The following UMAD1 variants were observed in gnomAD, a reference collection of about 807,000 sequenced individuals.
The protein encoded by UMAD1 is UBAP1-MVB12-associated (UMA)-domain containing protein 1.
In UMAD1, 8 loss-of-function variants were observed where a neutral mutation model predicts 6.1. That is an observed-to-expected ratio of 1.30 (90% CI 0.76 to 2.35). UMAD1 has a LOEUF of 2.35. Ranked by LOEUF, UMAD1 falls within the 30% of genes most tolerant of loss-of-function variation. The pLI, the probability that UMAD1 is intolerant of heterozygous loss-of-function variation, is 0.00. For synonymous variants in UMAD1, 56 were observed against 31.4 expected, an observed-to-expected ratio of 1.78 and a Z score of -2.61; for missense variants, 130 against 78.4, an observed-to-expected ratio of 1.66 and a Z score of -2.49.
chr7:7,771,806 C>T (rs927587832), intron 2 of UMAD1, among the ~76,000 whole-genome samples: 1 of 152,070 alleles, frequency 6.6e-6, no homozygotes, highest in Admixed American at 6.6e-5. Context: ...AGTGGAGGGG[C>T]TGGTGCCTCA....
chr7:7,745,691 C>A (rs1370949860), intron 2 of UMAD1, among the ~76,000 whole-genome samples: 1 of 152,146 alleles, frequency 6.6e-6, no homozygotes, highest in African/African-American at 2.4e-5. Flanking sequence ...TATTAACTTG[C>A]AGATCATAGA....
chr7:7,690,598 T>C (rs560480393), intron 2 of UMAD1, among the ~76,000 whole-genome samples: 40 of 152,176 alleles, frequency 2.6e-4, no homozygotes, highest in South Asian at 6.2e-4. Flanking sequence ...TAAAAGGACA[T>C]CTTAGGGATA....
chr7:7,789,531 A>T (rs115521416), intron 2 of UMAD1, among the ~76,000 whole-genome samples: 1,557 of 152,088 alleles, frequency 0.01, 32 homozygotes, highest in African/African-American at 0.036. Flanking sequence ...TATATAGTTT[A>T]TTTGTGGTAA....
intron 2 of UMAD1, among the ~76,000 whole-genome samples, chr7:7,747,479 A>T (rs1423626868): frequency 2.0e-5 from 3 of 152,226 alleles, no homozygotes; most frequent in Non-Finnish European, 4.4e-5. Context: ...GGTCAAGGTC[A>T]CAGAGTAGTA....
chr7:7,655,649 C>T (rs1468064102), intron 1 of UMAD1, among the ~76,000 whole-genome samples: 1 of 152,132 alleles, frequency 6.6e-6, no homozygotes, highest in Non-Finnish European at 1.5e-5. Flanking sequence ...TTTATTAACT[C>T]ATATAACTTC....
intron 3 of UMAD1, among the ~76,000 whole-genome samples, chr7:7,872,113 A>G (rs1171843169): frequency 6.6e-6 from 1 of 152,100 alleles, no homozygotes; most frequent in Non-Finnish European, 1.5e-5. Flanking sequence ...AAAAAAAAAA[A>G]GAAGTTGTGT....
At chr7:7,698,938 T>C (rs1013238541) in intron 2 of UMAD1, among the ~76,000 whole-genome samples, 2 of 149,968 alleles carry the variant, frequency 1.3e-5, no homozygotes, top group Non-Finnish European at 3.0e-5. Flanking sequence ...CACTGAAGTC[T>C]CGACTTCCCT....
At chr7:7,801,873 G>C in intron 3 of UMAD1, 130 bp downstream of exon 3, 4 of 625,148 alleles carry the variant, frequency 6.4e-6, no homozygotes, top group South Asian at 6.0e-5. Context: ...GAAACAAGTG[G>C]TCTGCTGAAA....
chr7:7,852,586 G>C (rs1783938577), intron 3 of UMAD1, among the ~76,000 whole-genome samples: 1 of 152,242 alleles, frequency 6.6e-6, no homozygotes, highest in African/African-American at 2.4e-5. Flanking sequence ...TTATTACAAA[G>C]GATATTTTAA....
At chr7:7,722,369 G>T (rs1235206635) in intron 2 of UMAD1, among the ~76,000 whole-genome samples, 1 of 151,916 alleles carries the variant, frequency 6.6e-6, no homozygotes, top group Non-Finnish European at 1.5e-5. Context: ...CCAATAATGC[G>T]AAGGACTCTA....
At chr7:7,854,753 C>T (rs1183999782) in intron 3 of UMAD1, among the ~76,000 whole-genome samples, 2 of 152,152 alleles carry the variant, frequency 1.3e-5, no homozygotes, top group Non-Finnish European at 2.9e-5. Context: ...CCCAACAGTC[C>T]CCAAAAGTCT....
At chr7:7,802,500 A>G (rs1474770786) in intron 3 of UMAD1, among the ~76,000 whole-genome samples, 1 of 152,228 alleles carries the variant, frequency 6.6e-6, no homozygotes, top group African/African-American at 2.4e-5. Context: ...TGAGAAAACT[A>G]TTTGCTCTCT....
intron 2 of UMAD1, among the ~76,000 whole-genome samples, chr7:7,791,764 T>G (rs1381245872): frequency 6.6e-6 from 1 of 152,194 alleles, no homozygotes; most frequent in African/African-American, 2.4e-5. Context: ...GTTCTTACTT[T>G]CCAGATTAAG....
intron 2 of UMAD1, among the ~76,000 whole-genome samples, chr7:7,750,935 A>G (rs1166624580): frequency 6.6e-6 from 1 of 152,232 alleles, no homozygotes; most frequent in Non-Finnish European, 1.5e-5. Flanking sequence ...AGTATTTAAT[A>G]AGAAGTAATG....
chr7:7,696,813 A>G (rs1057458459), intron 2 of UMAD1, among the ~76,000 whole-genome samples: 1 of 152,098 alleles, frequency 6.6e-6, no homozygotes, highest in Non-Finnish European at 1.5e-5. Context: ...ACTAACATGT[A>G]GATGTTCTCT....
chr7:7,775,447 T>C (rs187038171), intron 2 of UMAD1, among the ~76,000 whole-genome samples: 2 of 152,282 alleles, frequency 1.3e-5, no homozygotes, highest in East Asian at 1.9e-4. Context: ...TTCCCTGCTG[T>C]CTCTCATTCT....
intron 2 of UMAD1, among the ~76,000 whole-genome samples, chr7:7,722,719 A>C (rs1781073491): frequency 6.6e-6 from 1 of 152,198 alleles, no homozygotes; most frequent in African/African-American, 2.4e-5. Context: ...GTGGCAAAAC[A>C]GACACAAGCT....
At chr7:7,848,603 G>C (rs1357892030) in intron 3 of UMAD1, among the ~76,000 whole-genome samples, 1 of 152,014 alleles carries the variant, frequency 6.6e-6, no homozygotes, top group Non-Finnish European at 1.5e-5. Flanking sequence ...GCTTGAAAAA[G>C]TTATTTTTCT....
chr7:7,712,706 T>C (rs569675085), intron 2 of UMAD1, among the ~76,000 whole-genome samples: 1 of 152,336 alleles, frequency 6.6e-6, no homozygotes, highest in East Asian at 1.9e-4. Context: ...ACCTCTAGTA[T>C]GTTGAAGAGA....
Sources: gnomAD v4.1 joint callset for allele counts (sites outside exome capture counted in the v4.1 genomes callset) on GRCh38, gnomAD v4.1.1 for gene constraint, MANE v1.5 for transcripts, NCBI Gene and HGNC (gene_info 2026-07-23, HGNC 2026-07-21) for gene names.